Variants in RALYL observed in about 807,000 individuals in gnomAD.
The protein encoded by RALYL is RNA-binding Raly-like protein.
A neutral mutation model predicts 35.1 loss-of-function variants in RALYL; 29 were observed. The ratio of observed to expected loss-of-function variants is 0.83; its 90% confidence interval spans 0.61 to 1.13. RALYL has a LOEUF of 1.13. Ranked by LOEUF, RALYL falls within the 50% of genes most tolerant of loss-of-function variation. The probability of loss-of-function intolerance (pLI) is 0.00; values close to 1 mark genes in which losing one functional copy is unlikely to be tolerated. For missense variants in RALYL, 359 were observed against 360.4 expected, an observed-to-expected ratio of 1.00 and a Z score of 0.03; for synonymous variants, 120 against 127.6, an observed-to-expected ratio of 0.94 and a Z score of 0.40.
chr8:84,452,038 C>T (rs1019946362), intron 1 of RALYL, among the ~76,000 whole-genome samples: 1 of 151,908 alleles, frequency 6.6e-6, no homozygotes, highest in African/African-American at 2.4e-5. Context: ...TGCCAACAGT[C>T]TTACTGGAAA....
intron 4 of RALYL, among the ~76,000 whole-genome samples, chr8:84,841,553 G>T (rs1833349478): frequency 6.6e-6 from 1 of 152,134 alleles, no homozygotes; most frequent in South Asian, 2.1e-4. Context: ...ACATTAGACA[G>T]ATCAACGAGA....
intron 2 of RALYL, among the ~76,000 whole-genome samples, chr8:84,698,920 G>A (rs1839670420): frequency 6.6e-6 from 1 of 152,070 alleles, no homozygotes. Context: ...ACTGAGGAAG[G>A]ACGCATCCTG....
intron 4 of RALYL, among the ~76,000 whole-genome samples, chr8:84,812,202 A>G (rs1481730913): frequency 6.6e-6 from 1 of 152,076 alleles, no homozygotes; most frequent in African/African-American, 2.4e-5. Context: ...CTCTTGATGT[A>G]GTACTCTCCA....
At chr8:84,499,926 C>A (rs183654543) in intron 1 of RALYL, among the ~76,000 whole-genome samples, 3 of 151,964 alleles carry the variant, frequency 2.0e-5, no homozygotes, top group African/African-American at 7.2e-5. Flanking sequence ...GACCAATTTT[C>A]TCTATTTTTT....
chr8:84,241,731 T>G (rs2131573762), intron 1 of RALYL, among the ~76,000 whole-genome samples: 1 of 149,130 alleles, frequency 6.7e-6, no homozygotes, highest in East Asian at 2.0e-4. Context: ...TGAACCAAGA[T>G]TGTGCCACTG....
intron 1 of RALYL, among the ~76,000 whole-genome samples, chr8:84,492,145 T>C (rs2055389944): frequency 6.6e-6 from 1 of 152,024 alleles, no homozygotes; most frequent in Non-Finnish European, 1.5e-5. Flanking sequence ...TTGAATATAG[T>C]GTACAATACA....
chr8:84,270,834 T>C (rs1834169462), intron 1 of RALYL, among the ~76,000 whole-genome samples: 1 of 152,144 alleles, frequency 6.6e-6, no homozygotes, highest in Admixed American at 6.5e-5. Flanking sequence ...TTATAGTGAA[T>C]AGATGAACTT....
chr8:84,890,217 G>C (rs1843588675), intron 8 of RALYL, among the ~76,000 whole-genome samples: 1 of 152,126 alleles, frequency 6.6e-6, no homozygotes, highest in Admixed American at 6.6e-5. Flanking sequence ...TGAAAGGAAA[G>C]GGATCTAGAC....
intron 1 of RALYL, among the ~76,000 whole-genome samples, chr8:84,499,781 G>T (rs959261314): frequency 5.3e-5 from 8 of 151,918 alleles, no homozygotes; most frequent in African/African-American, 1.9e-4. Flanking sequence ...TTGAAATAGG[G>T]TCTCACTCTC....
chr8:84,842,914 A>G (rs1353933998), intron 4 of RALYL, among the ~76,000 whole-genome samples: 2 of 152,350 alleles, frequency 1.3e-5, no homozygotes, highest in East Asian at 1.9e-4. Flanking sequence ...ACAAAATTCA[A>G]CAACCCTTCA....
intron 1 of RALYL, among the ~76,000 whole-genome samples, chr8:84,334,252 T>A (rs966183303): frequency 2.0e-5 from 3 of 152,138 alleles, no homozygotes; most frequent in Non-Finnish European, 2.9e-5. Flanking sequence ...TATTCAGTAC[T>A]TTAAATCAGT....
chr8:84,313,801 A>C (rs1437447269), intron 1 of RALYL, among the ~76,000 whole-genome samples: 1 of 152,134 alleles, frequency 6.6e-6, no homozygotes, highest in East Asian at 1.9e-4. Context: ...GAAAGTTCCA[A>C]ATTTTCCCTC....
chr8:84,789,861 A>C (rs994538947), intron 3 of RALYL, among the ~76,000 whole-genome samples: 1 of 152,222 alleles, frequency 6.6e-6, no homozygotes, highest in Non-Finnish European at 1.5e-5. Context: ...AAAAAGAAAA[A>C]GAATAAAAGA....
At chr8:84,226,208 A>G (rs979519653) in intron 1 of RALYL, among the ~76,000 whole-genome samples, 2 of 152,094 alleles carry the variant, frequency 1.3e-5, no homozygotes, top group African/African-American at 4.8e-5. Flanking sequence ...CATGCTTCTT[A>G]TGAGAATCTA....
intron 2 of RALYL, among the ~76,000 whole-genome samples, chr8:84,550,140 G>C (rs932121730): frequency 1.3e-5 from 2 of 151,712 alleles, no homozygotes; most frequent in African/African-American, 4.8e-5. Flanking sequence ...GAACTTTTTA[G>C]TATTTCTTTA....
intron 1 of RALYL, among the ~76,000 whole-genome samples, chr8:84,514,621 T>C (rs1299525218): frequency 6.6e-6 from 1 of 152,196 alleles, no homozygotes; most frequent in Admixed American, 6.5e-5. Flanking sequence ...ATGAGAGCTC[T>C]GCCTCATGAA....
intron 1 of RALYL, among the ~76,000 whole-genome samples, chr8:84,437,393 G>A (rs28811597): frequency 0.04 from 6,064 of 152,198 alleles, 246 homozygotes; most frequent in African/African-American, 0.1. Flanking sequence ...GGGATTGCTA[G>A]GTTGAATGGT....
intron 2 of RALYL, among the ~76,000 whole-genome samples, chr8:84,596,872 A>G (rs1457342150): frequency 6.6e-6 from 1 of 152,114 alleles, no homozygotes; most frequent in Non-Finnish European, 1.5e-5. Context: ...TGATTTGTAT[A>G]TAGCAAATAT....
chr8:84,661,951 T>C lies in RALYL; in HGVS notation c.257-112628T>C, dbSNP rs577434155. Among the ~76,000 whole-genome samples, 8 of 151,944 alleles carry C rather than the reference T, an allele frequency of 5.3e-5. No homozygotes were observed. In the South Asian group the frequency reaches 1.7e-3, roughly 32 times the overall value. On this transcript the variant is annotated intron_variant, in intron 2 of 8. Coordinates refer to ENST00000521268, the MANE Select transcript of RALYL (RefSeq NM_173848.7). Reference sequence around the variant, plus strand: ...TCACATTTTTGTTACTGTTTTTTTTTTTTTCCTTGTGGTCCCATACTTCTT... The same window carrying C: ...TCACATTTTTGTTACTGTTTTTTTTCTTTTCCTTGTGGTCCCATACTTCTT...
Sources: gnomAD v4.1 joint callset for allele counts (sites outside exome capture counted in the v4.1 genomes callset) on GRCh38, gnomAD v4.1.1 for gene constraint, MANE v1.5 for transcripts, NCBI Gene and HGNC (gene_info 2026-07-23, HGNC 2026-07-21) for gene names.